The following ACTR3C variants were observed in gnomAD, a reference collection of about 807,000 sequenced individuals.
ACTR3C encodes actin related protein 3C.
A neutral mutation model predicts 26.3 loss-of-function variants in ACTR3C; 18 were observed. That is an observed-to-expected ratio of 0.68 (90% CI 0.47 to 1.01). The LOEUF is 1.01. Ranked by LOEUF, ACTR3C falls within the 50% of genes least tolerant of loss-of-function variation. The probability of loss-of-function intolerance (pLI) is 0.00; values close to 1 mark genes in which losing one functional copy is unlikely to be tolerated. For synonymous variants in ACTR3C, 55 were observed against 94.5 expected (o/e 0.58, Z 2.42); for missense variants, 184 against 250.7 (o/e 0.73, Z 1.80).
At chr7:150,234,566 C>T in the ACTR3C span, among the ~76,000 whole-genome samples, 1 of 152,168 alleles carries the variant, frequency 6.6e-6, no homozygotes, top group Non-Finnish European at 1.5e-5. Context: ...CGCAACTCCA[C>T]ACTAGCGCTC....
chr7:149,895,900 GTAAA>G, the ACTR3C span, among the ~76,000 whole-genome samples: 1 of 152,098 alleles, frequency 6.6e-6, no homozygotes, highest in East Asian at 1.9e-4. Context: ...TCAGGAGAGA[GTAAA>G]TAATGTTTCT....
the ACTR3C span, among the ~76,000 whole-genome samples, chr7:150,010,043 C>T: frequency 2.2e-4 from 34 of 152,366 alleles, no homozygotes; most frequent in African/African-American, 7.2e-4. Context: ...CTGCAAAGTC[C>T]CGAGAGGTTG....
the ACTR3C span, among the ~76,000 whole-genome samples, chr7:149,899,703 A>G: frequency 2.0e-5 from 3 of 151,960 alleles, no homozygotes; most frequent in Non-Finnish European, 4.4e-5. Context: ...AAGAGAAAGA[A>G]GGCAGGACCA....
the ACTR3C span, among the ~76,000 whole-genome samples, chr7:150,227,664 G>A: frequency 2.7e-5 from 4 of 145,906 alleles, no homozygotes; most frequent in African/African-American, 1.0e-4. Context: ...TAATTTTCAT[G>A]AAAGGTATAA....
At chr7:150,240,177 TTTC>T (rs1187137440), downstream of ACTR3C, among the ~76,000 whole-genome samples, 2 of 152,274 alleles carry the variant, frequency 1.3e-5, no homozygotes, top group African/African-American at 4.8e-5. Flanking sequence ...ATGAGTTATC[TTTC>T]TTGTCATGTT....
At chr7:149,987,540 C>T in the ACTR3C span, among the ~76,000 whole-genome samples, 1 of 146,540 alleles carries the variant, frequency 6.8e-6, no homozygotes, top group Non-Finnish European at 1.5e-5. Flanking sequence ...GCAGTCCAGC[C>T]TGGGCGACAG....
At chr7:150,212,257 A>G in the ACTR3C span, among the ~76,000 whole-genome samples, 1 of 147,862 alleles carries the variant, frequency 6.8e-6, no homozygotes, top group Admixed American at 6.6e-5. Flanking sequence ...GAAGTACTGC[A>G]TTTGAGGTAT....
chr7:150,039,776 CA>C, the ACTR3C span, among the ~76,000 whole-genome samples: 42 of 132,556 alleles, frequency 3.2e-4, no homozygotes, highest in African/African-American at 9.3e-4. Flanking sequence ...TCCCCAGAGC[CA>C]GGGGGGGAAG....
chr7:149,901,910 C>CAAAAAA, the ACTR3C span, among the ~76,000 whole-genome samples: 3 of 56,760 alleles, frequency 5.3e-5, no homozygotes, highest in African/African-American at 2.2e-4. Context: ...GACTCTGTCT[C>CAAAAAA]AAAAAAAAAA....
chr7:150,314,046 G>T (rs549778757), intron 1 of ACTR3C, among the ~76,000 whole-genome samples: 4 of 152,338 alleles, frequency 2.6e-5, no homozygotes, highest in African/African-American at 4.8e-5. Flanking sequence ...TCCCTCCAGG[G>T]CGAGTGAGCT....
intron 1 of ACTR3C, among the ~76,000 whole-genome samples, chr7:150,295,715 G>C (rs1161576313): frequency 3.3e-5 from 5 of 149,966 alleles, no homozygotes; most frequent in African/African-American, 1.3e-4. Context: ...CATCAAAGGC[G>C]AACCGGTGAC....
At chr7:150,171,753 A>C in the ACTR3C span, among the ~76,000 whole-genome samples, 1 of 150,208 alleles carries the variant, frequency 6.7e-6, no homozygotes, top group African/African-American at 2.5e-5. Context: ...AGCAGAGAAA[A>C]TAGGTAAGAC....
At chr7:150,195,249 A>G in the ACTR3C span, among the ~76,000 whole-genome samples, 1 of 151,678 alleles carries the variant, frequency 6.6e-6, no homozygotes, top group Non-Finnish European at 1.5e-5. Flanking sequence ...TGCTATAAAT[A>G]CACTATAGAT....
the ACTR3C span, among the ~76,000 whole-genome samples, chr7:150,033,943 G>A: frequency 6.7e-6 from 1 of 150,284 alleles, no homozygotes; most frequent in South Asian, 2.1e-4. Context: ...TGCGATGGGG[G>A]TGCAAAGAGC....
At chr7:150,081,418 T>G in the ACTR3C span, among the ~76,000 whole-genome samples, 1 of 151,724 alleles carries the variant, frequency 6.6e-6, no homozygotes. Context: ...TTTGTTTTCC[T>G]CTTATAAACA....
chr7:149,902,246 T>C, the ACTR3C span, among the ~76,000 whole-genome samples: 1 of 151,782 alleles, frequency 6.6e-6, no homozygotes, highest in Non-Finnish European at 1.5e-5. Context: ...TCCTATCTTA[T>C]GCAAACTGTT....
At chr7:149,927,143 TC>T in the ACTR3C span, among the ~76,000 whole-genome samples, 2 of 151,940 alleles carry the variant, frequency 1.3e-5, no homozygotes, top group African/African-American at 4.8e-5. Context: ...CCTGGCTGCC[TC>T]CACACTTCCA....
At chr7:150,111,997 G>T in the ACTR3C span, among the ~76,000 whole-genome samples, 1 of 151,474 alleles carries the variant, frequency 6.6e-6, no homozygotes, top group Non-Finnish European at 1.5e-5. Context: ...TAGCAATCTG[G>T]AGTTCACAGA....
the ACTR3C span, among the ~76,000 whole-genome samples, chr7:149,932,833 G>T: frequency 6.6e-6 from 1 of 151,096 alleles, no homozygotes; most frequent in African/African-American, 2.4e-5. Flanking sequence ...GAAAATACAC[G>T]ATGGCCCAAG....
Sources: gnomAD v4.1 joint callset for allele counts (sites outside exome capture counted in the v4.1 genomes callset) on GRCh38, gnomAD v4.1.1 for gene constraint, MANE v1.5 for transcripts, NCBI Gene and HGNC (gene_info 2026-07-23, HGNC 2026-07-21) for gene names.